FER1L6: variants seen among roughly 807,000 people sequenced by gnomAD.
FER1L6 encodes fer-1-like protein 6.
A neutral mutation model predicts 219.2 loss-of-function variants in FER1L6; 177 were observed. That is an observed-to-expected ratio of 0.81 (90% confidence interval 0.71 to 0.91). The LOEUF (loss-of-function observed/expected upper bound fraction) is 0.91. Among genes scored for constraint, FER1L6 ranks in the 40% least tolerant of loss-of-function variants. FER1L6 has a pLI of 0.00. For synonymous variants in FER1L6, 768 were observed against 824.3 expected, an observed-to-expected ratio of 0.93 and a Z score of 1.17; for missense variants, 2,153 against 2,259.9, an observed-to-expected ratio of 0.95 and a Z score of 0.96.
intron 6 of FER1L6, among the ~76,000 whole-genome samples, chr8:123,970,634 T>A (rs553553961): frequency 3.3e-4 from 50 of 152,288 alleles, no homozygotes; most frequent in African/African-American, 1.2e-3. Flanking sequence ...TTTCAAAAGT[T>A]GCCTCTGAGT....
intron 14 of FER1L6, among the ~76,000 whole-genome samples, chr8:124,012,538 A>G (rs777744693): frequency 2.0e-5 from 3 of 152,172 alleles, no homozygotes; most frequent in Non-Finnish European, 4.4e-5. Flanking sequence ...ACTAACTACC[A>G]AGCACTGTTT....
At position 123,853,445 on chromosome 8, in the gene FER1L6, G is replaced by A. The variant is rs73339566; in HGVS notation, c.-8+1260G>A. On this transcript the variant is annotated intron_variant, in intron 1 of 40. Transcript: ENST00000522917. The surrounding 1 kb of genome is among the most constrained non-coding windows in gnomAD (Gnocchi z 6.6). ...GCTGGGATTATAGGCGTGAGCCACC[G>A]TACCCGGCCTAAAATAGAAGAAATC... Among the ~76,000 whole-genome samples the A allele has an allele frequency of 3.8e-3, 576 of 152,272 alleles. 5 individuals carry two copies. Among genetic ancestry groups the A allele is most frequent in the Middle Eastern group, 0.017 (5 of 294 alleles).
At position 124,119,899 on chromosome 8, in the gene FER1L6, C is replaced by A; in HGVS notation, c.*109C>A. 9.2e-7 allele frequency: 1 copy of A among 1,085,086 alleles called. No homozygotes were observed. Among genetic ancestry groups the A allele is most frequent in the Non-Finnish European group, 1.3e-6 (1 of 773,842 alleles). 67.2% of individuals were successfully genotyped at this position (1,085,086 alleles called of 1,614,324 possible). A position where few individuals can be genotyped will look rare whatever the true frequency, so the allele number is the denominator to read the frequency against. ...GGCACTGTGCTGAGTGCTAAGGGGA[C>A]AGATCAACCCTTCTTGGAAGAGATG... On this transcript the variant is annotated 3_prime_UTR_variant, in exon 41 of 41. Coordinates refer to ENST00000522917, the MANE Select transcript of FER1L6 (RefSeq NM_001039112.2).
At chr8:124,019,302 T>C (rs6988555) in intron 16 of FER1L6, among the ~76,000 whole-genome samples, 7,819 of 152,250 alleles carry the variant, frequency 0.051, 367 homozygotes, top group African/African-American at 0.12. Context: ...TACTCTCTGA[T>C]GAATTCTATT....
chr8:123,918,074 C>T (rs1290137033), intron 1 of FER1L6, among the ~76,000 whole-genome samples: 1 of 152,158 alleles, frequency 6.6e-6, no homozygotes, highest in East Asian at 1.9e-4. Context: ...CTTTGGGAGG[C>T]CAAGGCGAGT....
At chr8:123,920,725 T>C (rs1371954483) in intron 1 of FER1L6, among the ~76,000 whole-genome samples, 1 of 152,258 alleles carries the variant, frequency 6.6e-6, no homozygotes, top group East Asian at 1.9e-4. Context: ...ATTGTAACTA[T>C]TTTAAGTGTA....
chr8:124,000,161 T>A (rs1051227282), intron 12 of FER1L6, among the ~76,000 whole-genome samples: 1 of 152,190 alleles, frequency 6.6e-6, no homozygotes, highest in Non-Finnish European at 1.5e-5. Flanking sequence ...CAGCACTGAA[T>A]TCCAATGCAA....
At chr8:124,014,826 A>G (rs1429847386) in intron 15 of FER1L6, among the ~76,000 whole-genome samples, 2 of 152,174 alleles carry the variant, frequency 1.3e-5, no homozygotes, top group Non-Finnish European at 2.9e-5. Context: ...GCTTAACATC[A>G]TAGTTATTAT....
intron 1 of FER1L6, among the ~76,000 whole-genome samples, chr8:123,886,126 A>C (rs1449599275): frequency 1.3e-5 from 2 of 152,134 alleles, no homozygotes; most frequent in East Asian, 3.9e-4. Context: ...TTAGATTATA[A>C]TTGCTCGATT....
intron 20 of FER1L6, among the ~76,000 whole-genome samples, chr8:124,045,159 A>G (rs1178487526): frequency 2.0e-5 from 3 of 152,228 alleles, no homozygotes; most frequent in African/African-American, 4.8e-5. Flanking sequence ...ATTTGCTCCT[A>G]AGTCAAGAAT....
At chr8:124,076,467 A>T in intron 32 of FER1L6, 142 bp downstream of exon 32, 1 of 762,808 alleles carries the variant, frequency 1.3e-6, no homozygotes, top group Non-Finnish European at 2.2e-6. Flanking sequence ...TCTTGGTAAT[A>T]ACCAACCAAA....
chr8:124,017,331 A>G (rs900105301), intron 15 of FER1L6, among the ~76,000 whole-genome samples: 3 of 152,306 alleles, frequency 2.0e-5, no homozygotes, highest in African/African-American at 7.2e-5. Context: ...GAAGGAAAAC[A>G]GTATTTTGTG....
chr8:123,973,188 A>T (rs1356806255), intron 6 of FER1L6, among the ~76,000 whole-genome samples: 3 of 152,164 alleles, frequency 2.0e-5, no homozygotes, highest in African/African-American at 7.2e-5. Flanking sequence ...CTGTACTCAG[A>T]TTTATTTTGG....
At chr8:123,999,392 T>C (rs559738916) in intron 12 of FER1L6, among the ~76,000 whole-genome samples, 1 of 152,298 alleles carries the variant, frequency 6.6e-6, no homozygotes, top group African/African-American at 2.4e-5. Context: ...ACACCTGTAA[T>C]CCCAGCACTT....
Position 123,852,496 on chromosome 8 carries a change from GT to G in FER1L6, c.-8+312del, listed in dbSNP as rs1816530419. Among the ~76,000 whole-genome samples, 1 of 151,400 alleles carries G rather than the reference GT, an allele frequency of 6.6e-6. No homozygotes were observed. Among genetic ancestry groups the G allele is most frequent in the Non-Finnish European group, 1.5e-5 (1 of 67,942 alleles). ...CGTGTGTGTGTGTGTGTGTGTGTGT[GT>G]GTGTGTGTGTGTGTGTTTGACAGAG... On this transcript the variant is annotated intron_variant, in intron 1 of 40. Coordinates refer to ENST00000522917, the MANE Select transcript of FER1L6 (RefSeq NM_001039112.2). This position sits in a 1 kb window ranked among gnomAD's most constrained non-coding sequence, Gnocchi z 4.9.
chr8:124,101,411 AT>A, intron 38 of FER1L6, 73 bp downstream of exon 38: 2 of 1,395,814 alleles, frequency 1.4e-6, no homozygotes, highest in Non-Finnish European at 2.0e-6. Context: ...GCTTGGTCTG[AT>A]TTAGTTACAA....
At chr8:124,016,093 T>A (rs1452469764) in intron 15 of FER1L6, 2 of 152,554 alleles carry the variant, frequency 1.3e-5, no homozygotes, top group East Asian at 3.9e-4. Flanking sequence ...TTTACCCCAA[T>A]GTTAACGAGG....
chr8:123,886,662 A>G (rs1291595452), intron 1 of FER1L6, among the ~76,000 whole-genome samples: 1 of 152,194 alleles, frequency 6.6e-6, no homozygotes, highest in Non-Finnish European at 1.5e-5. Context: ...TTTCTCTAAG[A>G]CAGTCTTAAT....
chr8:123,913,031 C>G (rs571411100), intron 1 of FER1L6, among the ~76,000 whole-genome samples: 53 of 152,124 alleles, frequency 3.5e-4, no homozygotes, highest in Non-Finnish European at 6.9e-4. Context: ...GCTCCCTCTT[C>G]TGTGTCTTGA....
Sources: gnomAD v4.1 joint callset for allele counts (sites outside exome capture counted in the v4.1 genomes callset) on GRCh38, gnomAD v4.1.1 for gene constraint, Gnocchi (gnomAD v3.1) non-coding constraint, MANE v1.5 for transcripts, NCBI Gene and HGNC (gene_info 2026-07-23, HGNC 2026-07-21) for gene names.